TRMT61A: variants seen among roughly 807,000 people sequenced by gnomAD.
The protein encoded by TRMT61A is tRNA methyltransferase 61A.
A neutral mutation model predicts 21.3 loss-of-function variants in TRMT61A; 15 were observed. The observed-to-expected ratio is 0.70, with a 90% CI of 0.47 to 1.08. TRMT61A has a LOEUF of 1.08. Ranked by LOEUF, TRMT61A falls within the 50% of genes least tolerant of loss-of-function variation. The pLI is 0.00. For missense variants in TRMT61A, 352 were observed against 426.7 expected, an observed-to-expected ratio of 0.83 and a Z score of 1.54; for synonymous variants, 183 against 185.5, an observed-to-expected ratio of 0.99 and a Z score of 0.11.
intron 3 of TRMT61A, among the ~76,000 whole-genome samples, chr14:103,533,127 C>A (rs1047053335): frequency 2.6e-5 from 4 of 152,228 alleles, no homozygotes; most frequent in Admixed American, 6.5e-5. Flanking sequence ...GCAGGGCAGG[C>A]CCGGCCGGAG....
In TRMT61A at chr14:103,531,643, C is replaced by T. The variant is rs1197358157; in HGVS notation, c.332-939C>T. Among the ~76,000 whole-genome samples, 1 of 152,106 alleles carries T rather than the reference C, an allele frequency of 6.6e-6. No homozygotes were observed. The highest frequency in any genetic ancestry group is 6.5e-5 in the Admixed American group (1 of 15,278). ...GGGGCTGGACAGGTGGGGAGAGGGG[C>T]TGGCCCCTGAAAGGAATGTGGGAGG... On this transcript the variant is annotated intron_variant, in intron 2 of 3. Coordinates refer to ENST00000389749, the MANE Select transcript of TRMT61A (RefSeq NM_152307.3). This position sits in a 1 kb window ranked among gnomAD's most constrained non-coding sequence, Gnocchi z 5.1.
rs549290995 is a variant in TRMT61A, at chr14:103,531,425, G to A, written c.331+1116G>A. ...GACAGCTCTGCACCAAGGAGGAGCC[G>A]TGCCGAGGCCCTGCAGTTGGAGCAT... is the stretch of plus-strand genomic sequence containing the variant. On this transcript the variant is annotated intron_variant, in intron 2 of 3. Transcript: ENST00000389749. The surrounding 1 kb of genome is among the most constrained non-coding windows in gnomAD (Gnocchi z 5.1). Among the ~76,000 whole-genome samples, 6 of 152,240 alleles carry A rather than the reference G, an allele frequency of 3.9e-5. No homozygotes were observed. In the South Asian group the frequency reaches 8.3e-4, roughly 21 times the overall value.
Position 103,536,976 on chromosome 14 carries a change from C to A in TRMT61A, c.*2155C>A, listed in dbSNP as rs759636039. 1 of 152,408 alleles carries A rather than the reference C, an allele frequency of 6.6e-6. No homozygotes were observed. The highest frequency in any genetic ancestry group is 1.5e-5 in the Non-Finnish European group (1 of 68,192). 9.4% of individuals were successfully genotyped at this position (152,408 alleles called of 1,614,324 possible). On this transcript the variant is annotated 3_prime_UTR_variant, in exon 4 of 4. Coordinates refer to ENST00000389749, the MANE Select transcript of TRMT61A (RefSeq NM_152307.3). ...TGAGCCTCCAGGCATCCACCCCCAC[C>A]GTATGGCCCTCTAGACCCAGCTGGG...
intron 3 of TRMT61A, among the ~76,000 whole-genome samples, chr14:103,533,686 G>A (rs1566966235): frequency 1.3e-5 from 2 of 152,200 alleles, no homozygotes. Flanking sequence ...GGGAACCCGC[G>A]CCTGCCTCTG....
At position 103,535,025 on chromosome 14, in the gene TRMT61A, G is replaced by A; in HGVS notation, c.*204G>A. 1 of 731,240 alleles carries A rather than the reference G, an allele frequency of 1.4e-6. No homozygotes were observed. The highest frequency in any genetic ancestry group is 1.5e-5 in the South Asian group (1 of 67,360). 45.3% of individuals were successfully genotyped at this position (731,240 alleles called of 1,614,324 possible). On this transcript the variant is annotated 3_prime_UTR_variant, in exon 4 of 4. Transcript: ENST00000389749. The stretch of plus-strand genomic sequence containing the variant: ...CTGGGGCTGGGCCTCAGCCATTCCT[G>A]TCCAGCCCTGTGGCCCATCCCAGCT...
chr14:103,529,201 GGCC>G lies in TRMT61A; in HGVS notation c.-78_-76del, dbSNP rs770138279. 122 of 278,208 alleles carry G rather than the reference GGCC, an allele frequency of 4.4e-4. No individual in the cohort carries two copies. The highest frequency in any genetic ancestry group is 1.2e-3 in the Middle Eastern group (1 of 814). 17.2% of individuals were successfully genotyped at this position (278,208 alleles called of 1,614,324 possible). On this transcript the variant is annotated 5_prime_UTR_variant, in exon 1 of 4. Transcript: ENST00000389749. Reference sequence around the variant, plus strand: ...GCGGGCGCGGAGCCGGAAGTGTTGTGGCCGCCGCCGCCGCGCGTCGCGGAGGCA... The same window carrying G: ...GCGGGCGCGGAGCCGGAAGTGTTGTGGCCGCCGCCGCGCGTCGCGGAGGCA...
chr14:103,529,892 A>G, intron 1 of TRMT61A, 58 bp from the exon 2 acceptor site: 4 of 1,335,624 alleles, frequency 3.0e-6, no homozygotes, highest in Non-Finnish European at 4.1e-6. Flanking sequence ...TTCTACCTAG[A>G]CCCTAGGCCC....
chr14:103,530,302 T>A lies in TRMT61A; in HGVS notation c.324T>A (p.Cys108Ter), dbSNP rs766933931. The A allele has an allele frequency of 5.7e-6, 9 of 1,581,170 alleles. No homozygotes were observed. The highest frequency in any genetic ancestry group is 6.9e-6 in the Non-Finnish European group (8 of 1,155,396). The change falls in exon 2 of 4, where the codon TGT becomes TGA. Residue 108 changes from cysteine to a stop codon, truncating the protein, a stop_gained. Transcript: ENST00000389749. LOFTEE classifies it high-confidence loss of function. ...MLELRPGSVVCESGTGSGSVS... is the reference protein window; with the variant it reads ...MLELRPGSVV ...AGCTTCGGCCCGGCTCTGTGGTCTGTGAGTCTGGTGAGTTCCTCAGGCTGC... is the reference window on the plus strand; with the variant it reads ...AGCTTCGGCCCGGCTCTGTGGTCTGAGAGTCTGGTGAGTTCCTCAGGCTGC...
intron 3 of TRMT61A, among the ~76,000 whole-genome samples, chr14:103,533,685 C>T (rs2075962794): frequency 6.6e-6 from 1 of 152,210 alleles, no homozygotes; most frequent in Admixed American, 6.5e-5. Context: ...GGGGAACCCG[C>T]GCCTGCCTCT....
chr14:103,534,484 G>A, intron 3 of TRMT61A, 66 bp from the exon 4 acceptor site: 2 of 1,507,532 alleles, frequency 1.3e-6, no homozygotes, highest in Admixed American at 2.2e-5. Flanking sequence ...GTCCAGGGAT[G>A]CTAGGGCCAG....
At chr14:103,530,734 C>A (rs1466844427) in intron 2 of TRMT61A, among the ~76,000 whole-genome samples, 1 of 152,232 alleles carries the variant, frequency 6.6e-6, no homozygotes, top group Non-Finnish European at 1.5e-5. Context: ...TCCCCATCCT[C>A]ATCCATGATC....
In TRMT61A at chr14:103,534,569, C is replaced by T; in HGVS notation, c.618C>T (p.Phe206=). 1 of 1,572,122 alleles carries T rather than the reference C, an allele frequency of 6.4e-7. No homozygotes were observed. Among genetic ancestry groups the T allele is most frequent in the Non-Finnish European group, 8.7e-7 (1 of 1,153,652 alleles). Residue 206 remains phenylalanine, a synonymous_variant, in exon 4 of 4, where the codon TTC becomes TTT. Coordinates refer to ENST00000389749, the MANE Select transcript of TRMT61A (RefSeq NM_152307.3). ...CCACAGGCGGGCGCTTCTGCTCCTT[C>T]TCACCGTGCATCGAGCAGGTGCAAC... ...LKVEGGRFCS[F]SPCIEQVQRT...
intron 2 of TRMT61A, 114 bp from the exon 3 acceptor site, chr14:103,532,468 G>T (rs879924968): frequency 1.4e-4 from 182 of 1,290,374 alleles, no homozygotes; most frequent in Non-Finnish European, 1.8e-4. Flanking sequence ...GTAGCTTGGG[G>T]TCCTCCCAAG....
At chr14:103,532,435 C>A in intron 2 of TRMT61A, 147 bp from the exon 3 acceptor site, 2 of 980,514 alleles carry the variant, frequency 2.0e-6, no homozygotes, top group Non-Finnish European at 3.1e-6. Flanking sequence ...CAGGACCATA[C>A]AGCCCTGGAA....
rs772197406 is a variant in TRMT61A at position 103,530,191 on chromosome 14, C to G, written c.213C>G (p.Pro71=). Residue 71 remains proline (P), a synonymous_variant, in exon 2 of 4, where the codon CCC becomes CCG. Coordinates refer to ENST00000389749, the MANE Select transcript of TRMT61A (RefSeq NM_152307.3). Reference sequence around the variant, plus strand: ...GTGGCTGGGTGTATGTGCTGCACCCCACGCCCGAGCTCTGGACGCTGAACC... The same window carrying G: ...GTGGCTGGGTGTATGTGCTGCACCCGACGCCCGAGCTCTGGACGCTGAACC... ...GRGGWVYVLH[P]TPELWTLNLP... 11 of 1,612,500 alleles carry G rather than the reference C, an allele frequency of 6.8e-6. No homozygotes were observed. The South Asian group carries it at 1.2e-4, about 18-fold the overall frequency.
At position 103,536,021 on chromosome 14, in the gene TRMT61A, G is replaced by C. The variant is rs577689015; in HGVS notation, c.*1200G>C. 6.6e-6 allele frequency: 1 copy of C among 152,652 alleles called. No homozygotes were observed. Among genetic ancestry groups the C allele is most frequent in the Non-Finnish European group, 1.5e-5 (1 of 68,382 alleles). 9.5% of individuals were successfully genotyped at this position (152,652 alleles called of 1,614,324 possible). On this transcript the variant is annotated 3_prime_UTR_variant, in exon 4 of 4. Transcript: ENST00000389749. The stretch of plus-strand genomic sequence containing the variant: ...GGGCCTGGCCCCAAGTGTGAGTGAT[G>C]AGCAATAAACGTACCGTCCCCCTCT...
chr14:103,530,051 A>G lies in TRMT61A; in HGVS notation c.73A>G (p.Met25Val), dbSNP rs1053740482. 2.5e-6 allele frequency: 4 copies of G among 1,612,936 alleles called. No individual in the cohort carries two copies. Among genetic ancestry groups the G allele is most frequent in the African/African-American group, 2.7e-5 (2 of 74,936 alleles). Residue 25 changes from methionine to valine, a missense_variant, in exon 2 of 4, where the codon ATG becomes GTG. Physicochemically the swap from Met to Val is conservative, Grantham distance 21. Transcript: ENST00000389749. ...TAILSLGHGA[M>V]VAVRVQRGAQ... is the part of the protein sequence containing the mutation. ...CATCCTGTCACTGGGCCATGGTGCA[A>G]TGGTGGCGGTGCGTGTGCAGCGTGG...
rs1347110557 is a variant in TRMT61A at position 103,534,554 on chromosome 14, G to T, written c.603G>T (p.Gly201=). 6.4e-7 allele frequency: 1 copy of T among 1,553,502 alleles called. No homozygotes were observed. Among genetic ancestry groups the T allele is most frequent in the African/African-American group, 1.4e-5 (1 of 73,568 alleles). The change falls in exon 4 of 4, where the codon GGG becomes GGT. Residue 201 remains glycine (G), a synonymous_variant. Transcript: ENST00000389749. Reference sequence around the variant, plus strand: ...CTCGGGTCCTGTTTCCCACAGGCGGGCGCTTCTGCTCCTTCTCACCGTGCA... The same window carrying T: ...CTCGGGTCCTGTTTCCCACAGGCGGTCGCTTCTGCTCCTTCTCACCGTGCA... The part of the protein sequence containing the change: ...HAWDALKVEG[G]RFCSFSPCIE...
rs935070785 is a variant in TRMT61A, at chr14:103,535,790, C to A, written c.*969C>A. ...TTAGGGGCATTTCCCAAAGTGGGGA[C>A]AGAGGGCAGGACGCCCAGGCTGGGG... On this transcript the variant is annotated 3_prime_UTR_variant, in exon 4 of 4. Coordinates refer to ENST00000389749, the MANE Select transcript of TRMT61A (RefSeq NM_152307.3). The A allele has an allele frequency of 6.4e-6, 1 of 157,414 alleles. No homozygotes were observed. The highest frequency in any genetic ancestry group is 6.3e-5 in the Admixed American group (1 of 15,750). The allele number at this position is 157,414 out of a possible 1,614,324, so 9.8% of individuals were successfully genotyped here.
Sources: allele counts gnomAD v4.1 joint callset (sites outside exome capture counted in the v4.1 genomes callset), GRCh38; gene constraint gnomAD v4.1.1; non-coding constraint Gnocchi (gnomAD v3.1); transcripts MANE v1.5; gene names NCBI Gene and HGNC (gene_info 2026-07-23, HGNC 2026-07-21).